The following FBLN5 variants were observed in gnomAD, a reference collection of about 807,000 sequenced individuals.
FBLN5 encodes fibulin 5.
In FBLN5, 24 loss-of-function variants were observed where a neutral mutation model predicts 61.6. The observed-to-expected ratio is 0.39, with a 90% confidence interval of 0.28 to 0.55. The LOEUF (loss-of-function observed/expected upper bound fraction) is 0.55, where lower values mean the gene tolerates loss of function less well. Ranked by LOEUF, FBLN5 falls within the 20% of genes least tolerant of loss-of-function variation. The pLI is 0.65. For synonymous variants in FBLN5, 213 were observed against 219.8 expected, an observed-to-expected ratio of 0.97 and a Z score of 0.27; for missense variants, 470 against 594.1, an observed-to-expected ratio of 0.79 and a Z score of 2.17.
intron 4 of FBLN5, among the ~76,000 whole-genome samples, chr14:91,915,394 A>G (rs866186837): frequency 6.6e-6 from 1 of 152,234 alleles, no homozygotes; most frequent in Middle Eastern, 3.4e-3. Flanking sequence ...TTAAGAAATT[A>G]TATCGTAGCG....
intron 4 of FBLN5, among the ~76,000 whole-genome samples, chr14:91,901,887 G>T (rs1275722748): frequency 6.6e-6 from 1 of 152,156 alleles, no homozygotes; most frequent in Non-Finnish European, 1.5e-5. Context: ...CTTCCCTCTT[G>T]AATGAAACCA....
intron 4 of FBLN5, 32 bp downstream of exon 4, chr14:91,936,915 A>T: frequency 6.2e-7 from 1 of 1,614,026 alleles, no homozygotes; most frequent in African/African-American, 1.3e-5. Context: ...ACCAAAGCAC[A>T]GCGGAGAGGA....
chr14:91,900,361 T>C (rs1890403035), intron 4 of FBLN5, among the ~76,000 whole-genome samples: 1 of 152,236 alleles, frequency 6.6e-6, no homozygotes, highest in South Asian at 2.1e-4. Flanking sequence ...ATGCACATAT[T>C]ATATACATAT....
intron 4 of FBLN5, among the ~76,000 whole-genome samples, chr14:91,927,418 C>G (rs1197451706): frequency 6.6e-6 from 1 of 152,202 alleles, no homozygotes; most frequent in African/African-American, 2.4e-5. Context: ...AGAACATCTG[C>G]GAATTTCTGT....
intron 4 of FBLN5, among the ~76,000 whole-genome samples, chr14:91,913,536 A>C (rs1468050152): frequency 6.6e-6 from 1 of 152,230 alleles, no homozygotes; most frequent in East Asian, 1.9e-4. Flanking sequence ...AGTGAGCAGC[A>C]TAGAAGACAA....
intron 7 of FBLN5, 30 bp downstream of exon 7, chr14:91,887,163 G>A (rs1430321083): frequency 2.5e-6 from 4 of 1,613,148 alleles, no homozygotes; most frequent in Admixed American, 1.7e-5. Flanking sequence ...CCAAGTACAG[G>A]TGGAAGTTTC....
At chr14:91,874,455 C>T (rs561666566) in intron 10 of FBLN5, 1 of 152,256 alleles carries the variant, frequency 6.6e-6, no homozygotes, top group East Asian at 1.9e-4. Context: ...TAAAGCATAC[C>T]TCCCCATTCT....
intron 4 of FBLN5, among the ~76,000 whole-genome samples, chr14:91,924,953 T>C (rs2055803114): frequency 6.6e-6 from 1 of 152,134 alleles, no homozygotes; most frequent in South Asian, 2.1e-4. Flanking sequence ...AGAGTCAGGG[T>C]TTTTTGTGTC....
In FBLN5 at chr14:91,891,273, A is replaced by G; in HGVS notation, c.567T>C (p.Ser189=). The G allele has an allele frequency of 6.2e-7, 1 of 1,614,060 alleles. No individual in the cohort carries two copies. The highest frequency in any genetic ancestry group is 1.1e-5 in the South Asian group (1 of 91,078). The part of the protein sequence containing the change: ...QLCANVPGSY[S]CTCNPGFTLN... ...GGGTAAAACCAGGGTTGCATGTACA[A>G]GAATAGGATCCAGGAACATTCGCAC... is the stretch of plus-strand genomic sequence containing the variant. Residue 189 remains serine, a synonymous_variant, in exon 6 of 11, where the codon TCT becomes TCC. Coordinates refer to ENST00000342058, the MANE Select transcript of FBLN5 (RefSeq NM_006329.4).
At chr14:91,907,934 A>G (rs940878120) in intron 4 of FBLN5, among the ~76,000 whole-genome samples, 10 of 152,154 alleles carry the variant, frequency 6.6e-5, no homozygotes, top group Non-Finnish European at 1.0e-4. Context: ...GTTAGCTTCA[A>G]TCAGAACAAT....
intron 3 of FBLN5, 59 bp from the exon 4 acceptor site, chr14:91,937,260 A>G: frequency 6.2e-7 from 1 of 1,609,694 alleles, no homozygotes; most frequent in Non-Finnish European, 8.5e-7. Flanking sequence ...TGTCCGGTGC[A>G]TATTTAAGCA....
intron 4 of FBLN5, among the ~76,000 whole-genome samples, chr14:91,923,867 G>A (rs1188056371): frequency 1.3e-5 from 2 of 152,184 alleles, no homozygotes; most frequent in African/African-American, 2.4e-5. Flanking sequence ...TCAAATGGAC[G>A]CACAGATATG....
At chr14:91,926,973 C>A (rs1316784873) in intron 4 of FBLN5, among the ~76,000 whole-genome samples, 1 of 152,180 alleles carries the variant, frequency 6.6e-6, no homozygotes, top group Admixed American at 6.5e-5. Flanking sequence ...AGGATTCGAA[C>A]CCACGTCTGT....
intron 1 of FBLN5, chr14:91,946,793 C>A: frequency 3.3e-6 from 5 of 1,535,842 alleles, no homozygotes; most frequent in Non-Finnish European, 4.4e-6. Context: ...CAAATCCAGC[C>A]CCGCGGTGTT....
At chr14:91,940,656 C>G in intron 2 of FBLN5, 40 bp from the exon 3 acceptor site, 1 of 1,585,830 alleles carries the variant, frequency 6.3e-7, no homozygotes, top group Non-Finnish European at 8.7e-7. Flanking sequence ...AAGGTCATTT[C>G]ACACCATAAA....
intron 10 of FBLN5, among the ~76,000 whole-genome samples, chr14:91,876,013 T>C (rs902164667): frequency 2.0e-5 from 3 of 152,222 alleles, no homozygotes; most frequent in Non-Finnish European, 1.5e-5. Flanking sequence ...ACTCCACTTC[T>C]TTGATAAAAA....
intron 2 of FBLN5, among the ~76,000 whole-genome samples, chr14:91,941,110 C>T (rs2056097715): frequency 6.6e-6 from 1 of 152,176 alleles, no homozygotes; most frequent in African/African-American, 2.4e-5. Context: ...ATGAATAAGA[C>T]TGCTTTTAAG....
At chr14:91,928,883 C>T (rs1595341180) in intron 4 of FBLN5, among the ~76,000 whole-genome samples, 2 of 151,754 alleles carry the variant, frequency 1.3e-5, no homozygotes, top group African/African-American at 2.4e-5. Context: ...ACTGTGAAAC[C>T]CCATCTCTAC....
intron 4 of FBLN5, among the ~76,000 whole-genome samples, chr14:91,929,443 A>G (rs1206269759): frequency 6.6e-6 from 1 of 152,216 alleles, no homozygotes; most frequent in African/African-American, 2.4e-5. Context: ...GACCCTTAGT[A>G]TAATACCATC....
Sources: allele counts gnomAD v4.1 joint callset (sites outside exome capture counted in the v4.1 genomes callset), GRCh38; gene constraint gnomAD v4.1.1; transcripts MANE v1.5; gene names NCBI Gene and HGNC (gene_info 2026-07-23, HGNC 2026-07-21).